NUBPL: variants seen among roughly 807,000 people sequenced by gnomAD.
The protein encoded by NUBPL is iron-sulfur cluster transfer protein NUBPL.
In NUBPL, 31 loss-of-function variants were observed where a neutral mutation model predicts 45.7. That is an observed-to-expected ratio of 0.68 (90% CI 0.51 to 0.92). NUBPL has a LOEUF of 0.92. Ranked by LOEUF, NUBPL falls within the 40% of genes least tolerant of loss-of-function variation. The pLI, the probability that NUBPL is intolerant of heterozygous loss-of-function variation, is 0.00. For synonymous variants in NUBPL, 144 were observed against 140.9 expected (o/e 1.02, Z -0.15); for missense variants, 401 against 398.7 (o/e 1.01, Z -0.05).
intron 7 of NUBPL, among the ~76,000 whole-genome samples, chr14:31,800,193 C>T (rs2039559730): frequency 6.6e-6 from 1 of 152,186 alleles, no homozygotes. Flanking sequence ...ACCACATCTG[C>T]AGTTATTTCC....
intron 4 of NUBPL, among the ~76,000 whole-genome samples, chr14:31,632,953 A>C (rs1344038206): frequency 1.3e-5 from 2 of 152,232 alleles, no homozygotes; most frequent in South Asian, 2.1e-4. Context: ...CTACTTTTAA[A>C]TTATTAATAG....
At chr14:31,687,663 A>G (rs1595494787) in intron 6 of NUBPL, among the ~76,000 whole-genome samples, 1 of 152,342 alleles carries the variant, frequency 6.6e-6, no homozygotes, top group East Asian at 1.9e-4. Flanking sequence ...TCATTTCTCC[A>G]ATCAATTATT....
At chr14:31,674,078 T>A (rs1041720635) in intron 6 of NUBPL, among the ~76,000 whole-genome samples, 1 of 152,224 alleles carries the variant, frequency 6.6e-6, no homozygotes, top group Non-Finnish European at 1.5e-5. Context: ...TAATTTAGCC[T>A]TAAGAAAAGA....
At chr14:31,782,448 A>G (rs1267477389) in intron 6 of NUBPL, among the ~76,000 whole-genome samples, 2 of 152,020 alleles carry the variant, frequency 1.3e-5, no homozygotes, top group African/African-American at 4.8e-5. Context: ...CATTTGAAGA[A>G]TTATAAATTA....
rs1316605466 is a variant in NUBPL, at chr14:31,846,497, T to C, written c.720T>C (p.Ser240=). 6.2e-7 allele frequency: 1 copy of C among 1,612,848 alleles called. No homozygotes were observed. Among genetic ancestry groups the C allele is most frequent in the East Asian group, 2.2e-5 (1 of 44,828 alleles). ...TCCTTGGCCTTGTCCAAAACATGAG[T>C]GTTTTCCAGTGTCCAAAATGTAAAC... is the stretch of plus-strand genomic sequence containing the variant. ...VPVLGLVQNM[S]VFQCPKCKHK... The change falls in exon 9 of 11, where the codon AGT becomes AGC. Residue 240 remains serine, a synonymous_variant. Coordinates refer to ENST00000281081, the MANE Select transcript of NUBPL (RefSeq NM_025152.3).
rs1205295799 is a variant in NUBPL at position 31,750,409 on chromosome 14, C to T, written c.514-37371C>T. ...TATTTTTAGTAGAGACGGGGTTTCA[C>T]CGTGGTCTCGATCTCCTGACCTCGT... On this transcript the variant is annotated intron_variant, in intron 6 of 10. Coordinates refer to ENST00000281081, the MANE Select transcript of NUBPL (RefSeq NM_025152.3). Among the ~76,000 whole-genome samples, 7 of 150,188 alleles carry T rather than the reference C, an allele frequency of 4.7e-5. 1 individual carries two copies. The highest frequency in any genetic ancestry group is 1.0e-4 in the Non-Finnish European group (7 of 67,722).
chr14:31,696,835 A>G (rs1008575266), intron 6 of NUBPL, among the ~76,000 whole-genome samples: 2 of 152,222 alleles, frequency 1.3e-5, no homozygotes, highest in African/African-American at 4.8e-5. Context: ...ACAAACATAA[A>G]AGTTTAACAA....
In NUBPL at chr14:31,735,976, A is replaced by G. The variant is rs543225881; in HGVS notation, c.514-51804A>G. Among the ~76,000 whole-genome samples the G allele has an allele frequency of 1.1e-4, 17 of 152,348 alleles. No homozygotes were observed. In the East Asian group the frequency reaches 2.1e-3, roughly 19 times the overall value. On this transcript the variant is annotated intron_variant, in intron 6 of 10. Coordinates refer to ENST00000281081, the MANE Select transcript of NUBPL (RefSeq NM_025152.3). ...CTGCTATGGTGGTGGCCCATAAAAC[A>G]TTATAAATAAATGGTAACTTGTTAC... is the stretch of plus-strand genomic sequence containing the variant.
At chr14:31,580,553 G>A (rs992242097) in intron 3 of NUBPL, among the ~76,000 whole-genome samples, 11 of 152,174 alleles carry the variant, frequency 7.2e-5, no homozygotes, top group African/African-American at 2.7e-4. Flanking sequence ...GTTCGAGGCT[G>A]CAGTGAGCTA....
intron 6 of NUBPL, among the ~76,000 whole-genome samples, chr14:31,685,424 A>G (rs144377492): frequency 1.6e-4 from 25 of 152,270 alleles, no homozygotes; most frequent in African/African-American, 5.8e-4. Flanking sequence ...AAAATAGGCC[A>G]TTCAAGAATT....
intron 4 of NUBPL, among the ~76,000 whole-genome samples, chr14:31,611,785 A>G (rs190934505): frequency 2.6e-5 from 4 of 152,306 alleles, no homozygotes; most frequent in Non-Finnish European, 5.9e-5. Context: ...CAGTGAATTC[A>G]TTTTCGACAA....
At chr14:31,805,479 A>G (rs1359664503) in intron 7 of NUBPL, among the ~76,000 whole-genome samples, 3 of 152,196 alleles carry the variant, frequency 2.0e-5, no homozygotes, top group Non-Finnish European at 2.9e-5. Context: ...CATTTGTTGC[A>G]CTACTACTCA....
At chr14:31,583,012 G>C (rs2033904487) in intron 3 of NUBPL, among the ~76,000 whole-genome samples, 1 of 152,130 alleles carries the variant, frequency 6.6e-6, no homozygotes. Flanking sequence ...TTCCCTGCAA[G>C]GCTGCTATTT....
intron 6 of NUBPL, among the ~76,000 whole-genome samples, chr14:31,752,260 A>T (rs1322982062): frequency 6.6e-6 from 1 of 151,944 alleles, no homozygotes; most frequent in Non-Finnish European, 1.5e-5. Flanking sequence ...AATTTTCTAA[A>T]CTCTTGTGCC....
intron 6 of NUBPL, among the ~76,000 whole-genome samples, chr14:31,699,298 C>A (rs1444308385): frequency 6.6e-6 from 1 of 152,168 alleles, no homozygotes; most frequent in Non-Finnish European, 1.5e-5. Flanking sequence ...ATGCAGAAAG[C>A]ATCAAATTAA....
At chr14:31,747,231 G>A (rs1474192620) in intron 6 of NUBPL, among the ~76,000 whole-genome samples, 1 of 151,100 alleles carries the variant, frequency 6.6e-6, no homozygotes, top group African/African-American at 2.5e-5. Flanking sequence ...TGCCTCCTGG[G>A]TTCACGCCAT....
chr14:31,771,924 C>T, intron 6 of NUBPL: 4 of 971,890 alleles, frequency 4.1e-6, no homozygotes, highest in Non-Finnish European at 4.9e-6. Context: ...TCAGATCATC[C>T]CTAGCATGCA....
intron 6 of NUBPL, among the ~76,000 whole-genome samples, chr14:31,727,362 C>T (rs1371529695): frequency 6.6e-6 from 1 of 152,048 alleles, no homozygotes; most frequent in Non-Finnish European, 1.5e-5. Flanking sequence ...CCCAAATTAC[C>T]TTGACAACCA....
chr14:31,688,658 G>T (rs111441455), intron 6 of NUBPL, among the ~76,000 whole-genome samples: 24,166 of 128,606 alleles, frequency 0.19, 5,742 homozygotes, highest in African/African-American at 0.59. Flanking sequence ...TTTTGTTGTT[G>T]TTTTTTTTTT....
Sources: gnomAD v4.1 joint callset for allele counts (sites outside exome capture counted in the v4.1 genomes callset) on GRCh38, gnomAD v4.1.1 for gene constraint, MANE v1.5 for transcripts, NCBI Gene and HGNC (gene_info 2026-07-23, HGNC 2026-07-21) for gene names.